MTSS1: variants seen among roughly 807,000 people sequenced by gnomAD.
MTSS1 encodes the protein protein MTSS 1.
MTSS1 carries 18 observed loss-of-function variants against 79.0 expected under a neutral mutation model. The observed-to-expected ratio is 0.23, with a 90% confidence interval of 0.16 to 0.34. The LOEUF is 0.34. MTSS1 is among the 10% of genes least tolerant of loss of function. The pLI is 1.00. For synonymous variants in MTSS1, 341 were observed against 368.6 expected (o/e 0.93, Z 0.86); for missense variants, 815 against 986.2 (o/e 0.83, Z 2.33).
At chr8:124,618,146 G>A (rs1812773375) in intron 3 of MTSS1, among the ~76,000 whole-genome samples, 1 of 152,098 alleles carries the variant, frequency 6.6e-6, no homozygotes, top group Non-Finnish European at 1.5e-5. Flanking sequence ...TAACATGCAA[G>A]GGATCTGGAT....
At chr8:124,589,101 G>A (rs1831378277) in intron 5 of MTSS1, among the ~76,000 whole-genome samples, 1 of 151,782 alleles carries the variant, frequency 6.6e-6, no homozygotes, top group African/African-American at 2.4e-5. Context: ...TGCAATCTTG[G>A]CTCACTGCAA....
At chr8:124,669,411 A>G (rs1823716091) in intron 3 of MTSS1, among the ~76,000 whole-genome samples, 1 of 152,246 alleles carries the variant, frequency 6.6e-6, no homozygotes, top group Admixed American at 6.5e-5. Flanking sequence ...CAGCATTTAC[A>G]GTACAGCTCA....
intron 6 of MTSS1, among the ~76,000 whole-genome samples, chr8:124,580,897 G>C (rs779457405): frequency 2.3e-4 from 35 of 152,090 alleles, no homozygotes; most frequent in Non-Finnish European, 4.9e-4. Flanking sequence ...AAAACCTTTC[G>C]AGTGTCATTT....
chr8:124,570,886 C>T lies in MTSS1; in HGVS notation c.461-2350G>A, dbSNP rs1379204131. Reference sequence around the variant, plus strand: ...ATTGGGTCTTGCTTTATTGGCCAGACGGTCTTGAACTCCTGGCCTCAAGTG... The same window carrying T: ...ATTGGGTCTTGCTTTATTGGCCAGATGGTCTTGAACTCCTGGCCTCAAGTG... On this transcript the variant is annotated intron_variant, in intron 6 of 13. Transcript: ENST00000518547. 6.6e-5 allele frequency among the ~76,000 whole-genome samples: 10 copies of T among 152,108 alleles called. 1 individual carries two copies. The highest frequency in any genetic ancestry group is 4.2e-4 in the South Asian group (2 of 4,808).
At chr8:124,645,703 C>A (rs1213908080) in intron 3 of MTSS1, among the ~76,000 whole-genome samples, 2 of 152,116 alleles carry the variant, frequency 1.3e-5, no homozygotes, top group Non-Finnish European at 1.5e-5. Flanking sequence ...TAAGCTCCAA[C>A]CTTTGACTTA....
chr8:124,643,616 T>C (rs1042040883), intron 3 of MTSS1, among the ~76,000 whole-genome samples: 5 of 147,864 alleles, frequency 3.4e-5, no homozygotes, highest in African/African-American at 1.3e-4. Context: ...GAGAATCGCT[T>C]GAACTGGGGA....
At chr8:124,555,996 G>A in intron 12 of MTSS1, 92 bp from the exon 13 acceptor site, 1 of 1,557,070 alleles carries the variant, frequency 6.4e-7, no homozygotes, top group Admixed American at 1.9e-5. Flanking sequence ...ACATGTCTGT[G>A]GGGCCAGGGG....
At chr8:124,554,933 TC>T (rs1349332820) in intron 13 of MTSS1, among the ~76,000 whole-genome samples, 1 of 152,144 alleles carries the variant, frequency 6.6e-6, no homozygotes, top group Non-Finnish European at 1.5e-5. Context: ...AGCCTCGACT[TC>T]CCAGGCTCAA....
intron 3 of MTSS1, among the ~76,000 whole-genome samples, chr8:124,628,991 G>A (rs140687540): frequency 7.2e-4 from 110 of 152,270 alleles, no homozygotes; most frequent in Middle Eastern, 3.4e-3. Context: ...TTTCCCAAGA[G>A]GGTCCTTGGG....
At chr8:124,679,521 T>C (rs931042737) in intron 3 of MTSS1, among the ~76,000 whole-genome samples, 4 of 152,234 alleles carry the variant, frequency 2.6e-5, no homozygotes, top group Admixed American at 1.3e-4. Context: ...ATGCACGGTC[T>C]TCCATTCTGG....
intron 3 of MTSS1, among the ~76,000 whole-genome samples, chr8:124,658,976 A>G (rs1266002881): frequency 2.0e-5 from 3 of 152,132 alleles, no homozygotes; most frequent in Non-Finnish European, 4.4e-5. Flanking sequence ...AGCCTCAACT[A>G]ATTTTCATTT....
chr8:124,652,928 G>A (rs919407391), intron 3 of MTSS1, among the ~76,000 whole-genome samples: 32 of 152,178 alleles, frequency 2.1e-4, no homozygotes, highest in African/African-American at 7.0e-4. Context: ...CCCGTGAAAG[G>A]TTATCATCAC....
chr8:124,717,420 T>C (rs1832219526), intron 1 of MTSS1, among the ~76,000 whole-genome samples: 1 of 151,820 alleles, frequency 6.6e-6, no homozygotes, highest in South Asian at 2.1e-4. Context: ...CTCTTGAACC[T>C]GGGAGGCAGA....
At chr8:124,647,927 T>C (rs1360234022) in intron 3 of MTSS1, among the ~76,000 whole-genome samples, 6 of 152,228 alleles carry the variant, frequency 3.9e-5, no homozygotes. Flanking sequence ...AGTGGGGTCA[T>C]GTCCTGAGAG....
chr8:124,717,133 C>T (rs1037408369), intron 1 of MTSS1, among the ~76,000 whole-genome samples: 14 of 152,220 alleles, frequency 9.2e-5, no homozygotes, highest in South Asian at 8.3e-4. Context: ...CACATCTTCA[C>T]GGTTCTTAAG....
chr8:124,622,757 CACTCTAGCCT>C (rs934221936), intron 3 of MTSS1, among the ~76,000 whole-genome samples: 2 of 147,330 alleles, frequency 1.4e-5, no homozygotes, highest in African/African-American at 5.1e-5. Flanking sequence ...CACACCACCG[CACTCTAGCCT>C]GGGCGGCAGA....
intron 3 of MTSS1, among the ~76,000 whole-genome samples, chr8:124,650,318 C>T (rs961632859): frequency 7.2e-5 from 11 of 152,114 alleles, no homozygotes; most frequent in African/African-American, 2.4e-4. Flanking sequence ...CGTGAGCCAC[C>T]GCGCCCAGCC....
chr8:124,551,131 A>G lies in MTSS1; in HGVS notation c.*1861T>C, dbSNP rs991717696. The G allele has an allele frequency of 2.0e-5, 3 of 152,638 alleles. No individual in the cohort carries two copies. Among genetic ancestry groups the G allele is most frequent in the African/African-American group, 7.2e-5 (3 of 41,472 alleles). 9.5% of individuals were successfully genotyped at this position (152,638 alleles called of 1,614,324 possible). A position where few individuals can be genotyped will look rare whatever the true frequency, so the allele number is the denominator to read the frequency against. On this transcript the variant is annotated 3_prime_UTR_variant, in exon 14 of 14. Transcript: ENST00000518547. ...CAAGTGAAAAGCTGTACCAAGGTAC[A>G]GTTACATCCATTTATTTCAAAGGTT...
rs144620871 is a variant in MTSS1, at chr8:124,649,478, A to G, written c.208+50048T>C. The stretch of plus-strand genomic sequence containing the variant: ...TCGTGACAATCACATGACCCTGGCG[A>G]GCCTTGGCACCTCTGGCTATACAAT... On this transcript the variant is annotated intron_variant, in intron 3 of 13. Transcript: ENST00000518547. 1.6e-3 allele frequency among the ~76,000 whole-genome samples: 245 copies of G among 152,236 alleles called. 3 individuals are homozygous for G. Among genetic ancestry groups the G allele is most frequent in the African/African-American group, 5.7e-3 (235 of 41,526 alleles).
Sources: gnomAD v4.1 joint callset for allele counts (sites outside exome capture counted in the v4.1 genomes callset) on GRCh38, gnomAD v4.1.1 for gene constraint, MANE v1.5 for transcripts, NCBI Gene and HGNC (gene_info 2026-07-23, HGNC 2026-07-21) for gene names.